Variants in FGF12 observed in about 807,000 individuals in gnomAD.
FGF12 encodes fibroblast growth factor 12B.
FGF12 carries 14 observed loss-of-function variants against 23.6 expected under a neutral mutation model. The ratio of observed to expected loss-of-function variants is 0.59; its 90% CI spans 0.39 to 0.93. The LOEUF is 0.93. FGF12 is among the 40% of genes least tolerant of loss of function. The pLI, the probability that FGF12 is intolerant of heterozygous loss-of-function variation, is 0.00. For missense variants in FGF12, 175 were observed against 217.8 expected, an observed-to-expected ratio of 0.80 and a Z score of 1.24; for synonymous variants, 62 against 77.3, an observed-to-expected ratio of 0.80 and a Z score of 1.04.
intron 2 of FGF12, among the ~76,000 whole-genome samples, chr3:192,540,541 C>T (rs1291723293): frequency 1.3e-5 from 2 of 151,948 alleles, no homozygotes; most frequent in Admixed American, 6.6e-5. Flanking sequence ...TGTTTTAAGA[C>T]TTGTTTTGTG....
At chr3:192,233,059 G>A (rs1447091498) in intron 4 of FGF12, among the ~76,000 whole-genome samples, 1 of 152,060 alleles carries the variant, frequency 6.6e-6, no homozygotes, top group African/African-American at 2.4e-5. Flanking sequence ...ATTCCTTTGG[G>A]TGTACATTCA....
intron 2 of FGF12, among the ~76,000 whole-genome samples, chr3:192,378,721 C>G (rs1719682230): frequency 6.6e-6 from 1 of 151,514 alleles, no homozygotes; most frequent in South Asian, 2.1e-4. Context: ...TTTTTAGGGT[C>G]CGGGGGTGCA....
intron 4 of FGF12, among the ~76,000 whole-genome samples, chr3:192,198,607 G>A (rs553698539): frequency 6.6e-6 from 1 of 152,148 alleles, no homozygotes; most frequent in African/African-American, 2.4e-5. Flanking sequence ...AGACTGCTGA[G>A]GATATTAGAA....
chr3:192,570,635 G>A (rs956875865), intron 2 of FGF12, among the ~76,000 whole-genome samples: 7 of 152,024 alleles, frequency 4.6e-5, no homozygotes, highest in African/African-American at 1.4e-4. Flanking sequence ...AATAACATCT[G>A]CTGTATTCAT....
rs1721317746 is a variant in FGF12 at position 192,415,418 on chromosome 3, A to T, written c.14-54880T>A. On this transcript the variant is annotated intron_variant, in intron 2 of 5. Transcript: ENST00000445105. ...GCACATAGCCAGATACTCAAAAAAT[A>T]CTCAAATAAATGAATTAATTCATCA... 2.0e-5 allele frequency among the ~76,000 whole-genome samples: 3 copies of T among 152,224 alleles called. No homozygotes were observed. The South Asian group carries it at 6.2e-4, about 32-fold the overall frequency.
intron 2 of FGF12, among the ~76,000 whole-genome samples, chr3:192,413,160 T>C (rs1047792536): frequency 7.2e-5 from 11 of 152,230 alleles, no homozygotes; most frequent in African/African-American, 2.4e-4. Context: ...TTTTGGTCTT[T>C]TGCTTATTCA....
At chr3:192,240,521 C>T (rs558111416) in intron 4 of FGF12, among the ~76,000 whole-genome samples, 12 of 152,212 alleles carry the variant, frequency 7.9e-5, no homozygotes, top group African/African-American at 9.6e-5. Flanking sequence ...AAAGATTTTG[C>T]TAGTTGCAAG....
At chr3:192,202,250 A>T (rs190346386) in intron 4 of FGF12, among the ~76,000 whole-genome samples, 10 of 152,364 alleles carry the variant, frequency 6.6e-5, no homozygotes, top group African/African-American at 2.4e-4. Context: ...GAAGTGGCAC[A>T]GTTCCCAAGA....
At chr3:192,582,525 G>C (rs1021983298) in intron 2 of FGF12, among the ~76,000 whole-genome samples, 17 of 152,072 alleles carry the variant, frequency 1.1e-4, no homozygotes, top group African/African-American at 4.1e-4. Flanking sequence ...CCAGCACAAA[G>C]AGAAATGAAA....
chr3:192,656,022 T>G (rs1716400798), intron 2 of FGF12, among the ~76,000 whole-genome samples: 1 of 106,232 alleles, frequency 9.4e-6, no homozygotes, highest in South Asian at 3.3e-4. Flanking sequence ...AGAAATTCCC[T>G]CATCCAGGAG....
intron 2 of FGF12, among the ~76,000 whole-genome samples, chr3:192,510,349 C>A (rs567805457): frequency 6.6e-6 from 1 of 152,178 alleles, no homozygotes; most frequent in Non-Finnish European, 1.5e-5. Flanking sequence ...AGAAAATACA[C>A]AGGTGGCAAG....
chr3:192,307,166 C>G (rs1171356790), intron 4 of FGF12, among the ~76,000 whole-genome samples: 1 of 152,100 alleles, frequency 6.6e-6, no homozygotes, highest in Non-Finnish European at 1.5e-5. Flanking sequence ...TATAGATAGA[C>G]ATGGATATGG....
At chr3:192,207,766 T>G (rs1243561091) in intron 4 of FGF12, among the ~76,000 whole-genome samples, 1 of 152,182 alleles carries the variant, frequency 6.6e-6, no homozygotes. Context: ...TCAGGAAATA[T>G]TTCCTTGGCA....
intron 2 of FGF12, among the ~76,000 whole-genome samples, chr3:192,386,472 T>C (rs1340742976): frequency 1.3e-5 from 2 of 152,138 alleles, no homozygotes; most frequent in African/African-American, 4.8e-5. Flanking sequence ...GCAATACTTA[T>C]AAACCTCACC....
At chr3:192,353,265 A>G (rs1222729503) in intron 3 of FGF12, among the ~76,000 whole-genome samples, 1 of 152,196 alleles carries the variant, frequency 6.6e-6, no homozygotes, top group Non-Finnish European at 1.5e-5. Flanking sequence ...TATTCTGCCT[A>G]GAAATATGCC....
At chr3:192,315,259 G>A (rs777603445) in intron 4 of FGF12, among the ~76,000 whole-genome samples, 124 of 152,026 alleles carry the variant, frequency 8.2e-4, no homozygotes, top group African/African-American at 2.7e-3. Flanking sequence ...AATTTGTTTC[G>A]TCGTTGTTGT....
At chr3:192,420,387 T>A (rs776526943) in intron 2 of FGF12, among the ~76,000 whole-genome samples, 5 of 152,160 alleles carry the variant, frequency 3.3e-5, no homozygotes, top group Non-Finnish European at 7.4e-5. Context: ...ATCTGGAGAC[T>A]CAATGATGTA....
intron 2 of FGF12, among the ~76,000 whole-genome samples, chr3:192,657,947 A>G (rs542157761): frequency 1.3e-5 from 2 of 151,310 alleles, no homozygotes; most frequent in South Asian, 2.1e-4. Context: ...GCTAAACTAT[A>G]TTTCTGCAAT....
At chr3:192,228,879 A>G (rs943649221) in intron 4 of FGF12, among the ~76,000 whole-genome samples, 32 of 152,254 alleles carry the variant, frequency 2.1e-4, no homozygotes, top group African/African-American at 7.2e-4. Context: ...GAAACTAGAC[A>G]CTACGAGAGC....
Sources: gnomAD v4.1 joint callset for allele counts (sites outside exome capture counted in the v4.1 genomes callset) on GRCh38, gnomAD v4.1.1 for gene constraint, MANE v1.5 for transcripts, NCBI Gene and HGNC (gene_info 2026-07-23, HGNC 2026-07-21) for gene names.